Variants in RGS12 observed in about 807,000 individuals in gnomAD.
The protein encoded by RGS12 is regulator of G protein signaling 12, also known as regulator of G-protein signaling 12.
RGS12 carries 66 observed loss-of-function variants against 120.1 expected under a neutral mutation model. The observed-to-expected ratio is 0.55, with a 90% confidence interval of 0.45 to 0.67. The LOEUF is 0.67. RGS12 is among the 30% of genes least tolerant of loss of function. The pLI is 0.00. For synonymous variants in RGS12, 827 were observed against 804.7 expected (o/e 1.03, Z -0.47); for missense variants, 1,859 against 1,957.7 (o/e 0.95, Z 0.95).
At chr4:3,300,292 G>T (rs1345696177) in intron 1 of RGS12, among the ~76,000 whole-genome samples, 2 of 152,200 alleles carry the variant, frequency 1.3e-5, no homozygotes, top group Non-Finnish European at 2.9e-5. Context: ...CAGTGAAGGT[G>T]CTTTAGGCAG....
Position 3,414,833 on chromosome 4 carries a change from G to A in RGS12, c.2272G>A (p.Asp758Asn). 6.2e-7 allele frequency: 1 copy of A among 1,612,602 alleles called. No homozygotes were observed. Among genetic ancestry groups the A allele is most frequent in the South Asian group, 1.1e-5 (1 of 91,032 alleles). ...ATATTTTAATCATGTTCCTGCACAT[G>A]ACAAAAAGGAGGTAAGTCCACGCTT... The part of the protein sequence containing the change: ...CEYFNHVPAH[D>N]KKELSYRARE... The change falls in exon 6 of 18, where the codon GAC (aspartate) becomes AAC (asparagine). Residue 758 changes from aspartate (D) to asparagine (N), a missense_variant. Asp to Asn is a conservative substitution (Grantham distance 23). Around this residue, in one of 3 missense-constraint regions of RGS12, gnomAD observed 375 missense variants for 475.0 expected, o/e 0.79. Coordinates refer to ENST00000336727, the MANE Select transcript of RGS12 (RefSeq NM_001394154.1).
In RGS12 at chr4:3,317,006, A is replaced by T; in HGVS notation, c.836A>T (p.Asp279Val). 6.2e-7 allele frequency: 1 copy of T among 1,613,784 alleles called. No individual in the cohort carries two copies. Among genetic ancestry groups the T allele is most frequent in the East Asian group, 2.2e-5 (1 of 44,886 alleles). The part of the protein sequence containing the change: ...HSLVTMKIMH[D>V]CVQLSTDKAG... The stretch of plus-strand genomic sequence containing the variant: ...CTGGTGACCATGAAGATCATGCACG[A>T]CTGTGTGCAGCTGAGCACTGACAAG... The change falls in exon 2 of 18, where the codon GAC becomes GTC. Residue 279 changes from aspartate to valine, a missense_variant. Asp to Val is a radical substitution (Grantham distance 152). Coordinates refer to ENST00000336727, the MANE Select transcript of RGS12 (RefSeq NM_001394154.1).
Position 3,439,795 on chromosome 4 carries a change from G to A in RGS12, c.*111G>A. On this transcript the variant is annotated 3_prime_UTR_variant, in exon 18 of 18. Transcript: ENST00000336727. ...TGGCCACCACACCCTCAGGAGCCCAGCCAGGAGGGCAGGGGGTGACCTCGC... is the reference window on the plus strand; with the variant it reads ...TGGCCACCACACCCTCAGGAGCCCAACCAGGAGGGCAGGGGGTGACCTCGC... The A allele has an allele frequency of 9.2e-7, 1 of 1,089,892 alleles. No homozygotes were observed. Among genetic ancestry groups the A allele is most frequent in the Middle Eastern group, 2.9e-4 (1 of 3,402 alleles). The allele number at this position is 1,089,892 out of a possible 1,614,324, so 67.5% of individuals were successfully genotyped here. A position where few individuals can be genotyped will look rare whatever the true frequency, so the allele number is the denominator to read the frequency against.
At chr4:3,325,607 C>T (rs982351830) in intron 2 of RGS12, among the ~76,000 whole-genome samples, 2 of 152,162 alleles carry the variant, frequency 1.3e-5, no homozygotes, top group Admixed American at 6.5e-5. Context: ...CGAATTCTAC[C>T]AAACCTATGA....
intron 6 of RGS12, among the ~76,000 whole-genome samples, chr4:3,415,345 A>G (rs1166107546): frequency 6.6e-6 from 1 of 152,202 alleles, no homozygotes; most frequent in Non-Finnish European, 1.5e-5. Context: ...TTAAATATAC[A>G]TGATATTTAA....
chr4:3,385,141 G>A (rs1718700798), intron 3 of RGS12: 1 of 152,218 alleles, frequency 6.6e-6, no homozygotes, highest in Non-Finnish European at 1.5e-5. Flanking sequence ...GGGTCTTAAA[G>A]CCCCAGTGAC....
upstream of RGS12, among the ~76,000 whole-genome samples, chr4:3,292,212 GAGGA>G (rs1723060210): frequency 6.6e-6 from 1 of 152,214 alleles, no homozygotes; most frequent in Non-Finnish European, 1.5e-5. Context: ...CGAAGAGGGC[GAGGA>G]AGGAACTCCG....
At chr4:3,408,458 T>C (rs903091657) in intron 4 of RGS12, among the ~76,000 whole-genome samples, 8 of 152,362 alleles carry the variant, frequency 5.3e-5, no homozygotes, top group African/African-American at 1.9e-4. Context: ...TGTGTTCCTC[T>C]GCAAGTCACC....
chr4:3,305,548 G>C (rs1387070331), intron 1 of RGS12, among the ~76,000 whole-genome samples: 1 of 152,226 alleles, frequency 6.6e-6, no homozygotes, highest in African/African-American at 2.4e-5. Flanking sequence ...CACGCCGTCA[G>C]CTCATCCAAC....
At chr4:3,410,044 C>T (rs972984404) in intron 4 of RGS12, among the ~76,000 whole-genome samples, 15 of 152,208 alleles carry the variant, frequency 9.9e-5, no homozygotes, top group African/African-American at 3.1e-4. Context: ...GGCCAGTTAA[C>T]GTCTATTTCT....
In RGS12 at chr4:3,386,378, G is replaced by A. The variant is rs1056971385; in HGVS notation, c.1999-38G>A. On this transcript the variant is annotated intron_variant, in intron 3 of 17. Transcript: ENST00000336727. ...TTCGTTTCCTGGAGTTTTGTCATGA[G>A]GCTTAATTAACTCATGTCTCTCTCT... is the stretch of plus-strand genomic sequence containing the variant. 19 of 1,604,492 alleles carry A rather than the reference G, an allele frequency of 1.2e-5. No homozygotes were observed. In the East Asian group the frequency reaches 4.0e-4, roughly 34 times the overall value.
intron 3 of RGS12, among the ~76,000 whole-genome samples, chr4:3,360,757 G>A (rs1296884931): frequency 6.6e-6 from 1 of 152,172 alleles, no homozygotes; most frequent in Non-Finnish European, 1.5e-5. Context: ...AAAACATACC[G>A]TTCCTAGAAA....
chr4:3,364,415 A>G (rs1716079358), intron 3 of RGS12, among the ~76,000 whole-genome samples: 1 of 152,128 alleles, frequency 6.6e-6, no homozygotes, highest in Non-Finnish European at 1.5e-5. Flanking sequence ...GCTCCTGCAG[A>G]TGTCCCCATG....
chr4:3,394,406 A>C (rs1053915936), intron 4 of RGS12, among the ~76,000 whole-genome samples: 3 of 152,066 alleles, frequency 2.0e-5, no homozygotes, highest in Non-Finnish European at 4.4e-5. Context: ...CAGGTGATAG[A>C]CCCACCTTGG....
intron 6 of RGS12, among the ~76,000 whole-genome samples, chr4:3,415,306 A>G (rs760046721): frequency 1.2e-4 from 19 of 152,238 alleles, no homozygotes; most frequent in Non-Finnish European, 2.6e-4. Flanking sequence ...ATGGCTTGAA[A>G]AAAATCATTT....
intron 3 of RGS12, among the ~76,000 whole-genome samples, chr4:3,379,821 G>A (rs1578873428): frequency 6.6e-6 from 1 of 152,146 alleles, no homozygotes; most frequent in Non-Finnish European, 1.5e-5. Flanking sequence ...ATGACACATG[G>A]GGATTATGGG....
intron 4 of RGS12, among the ~76,000 whole-genome samples, chr4:3,401,332 T>G (rs542125997): frequency 6.6e-6 from 1 of 152,364 alleles, no homozygotes; most frequent in Admixed American, 6.5e-5. Flanking sequence ...TTATGCATTA[T>G]AATGTCAGTT....
upstream of RGS12, among the ~76,000 whole-genome samples, chr4:3,291,877 C>G (rs13118873): frequency 0.26 from 40,262 of 152,152 alleles, 6,242 homozygotes; most frequent in East Asian, 0.44. Context: ...CAGCGGGAAC[C>G]CTGCTGGACT....
rs1023410054 is a variant in RGS12 at position 3,389,091 on chromosome 4, C to G, written c.2020+2654C>G. Among the ~76,000 whole-genome samples the G allele has an allele frequency of 5.3e-5, 8 of 152,166 alleles. No homozygotes were observed. The highest frequency in any genetic ancestry group is 1.2e-4 in the Non-Finnish European group (8 of 68,032). On this transcript the variant is annotated intron_variant, in intron 4 of 17. Transcript: ENST00000336727. This position sits in a 1 kb window ranked among gnomAD's most constrained non-coding sequence, Gnocchi z 5.2. ...CACGGTTTCATTCTGTGACGCGTAT[C>G]GTGCTTTTATAGCTTAGGCTCTCGC...
Sources: gnomAD v4.1 joint callset for allele counts (sites outside exome capture counted in the v4.1 genomes callset) on GRCh38, gnomAD v4.1.1 for gene constraint, gnomAD v4.1.1 regional missense constraint, Gnocchi (gnomAD v3.1) non-coding constraint, MANE v1.5 for transcripts, NCBI Gene and HGNC (gene_info 2026-07-23, HGNC 2026-07-21) for gene names.